Variants in MEFV observed in about 807,000 individuals in gnomAD.
The protein encoded by MEFV is MEFV innate immunity regulator, pyrin.
Under a neutral mutation model 62.5 loss-of-function variants are expected in MEFV, and 60 were observed. The observed-to-expected ratio is 0.96, with a 90% CI of 0.78 to 1.19. The LOEUF is 1.19. Ranked by LOEUF, MEFV falls within the 50% of genes most tolerant of loss-of-function variation. MEFV has a pLI of 0.00. For synonymous variants in MEFV, 500 were observed against 415.2 expected (o/e 1.20, Z -2.48); for missense variants, 1,169 against 1,004.5 (o/e 1.16, Z -2.21).
intron 2 of MEFV, among the ~76,000 whole-genome samples, chr16:3,252,708 G>A (rs954806424): frequency 6.6e-6 from 1 of 151,444 alleles, no homozygotes; most frequent in African/African-American, 2.4e-5. Context: ...AGAGGCTAAG[G>A]CGGGGGATCG....
intron 2 of MEFV, among the ~76,000 whole-genome samples, chr16:3,251,383 G>C (rs1464504280): frequency 1.3e-5 from 2 of 152,164 alleles, no homozygotes; most frequent in African/African-American, 4.8e-5. Context: ...CCTCCATCTT[G>C]CTGCCTGGCA....
At chr16:3,244,189 G>A (rs751508336) in intron 8 of MEFV, 65 bp downstream of exon 8, 1 of 1,611,556 alleles carries the variant, frequency 6.2e-7, no homozygotes, top group South Asian at 1.1e-5. Flanking sequence ...GGCCCCTCAA[G>A]TCAACAGCAC....
At chr16:3,250,711 T>G (rs1006546811) in intron 2 of MEFV, among the ~76,000 whole-genome samples, 2 of 151,114 alleles carry the variant, frequency 1.3e-5, no homozygotes, top group Non-Finnish European at 2.9e-5. Flanking sequence ...TAAGCAGACA[T>G]GCCACGAGAT....
At chr16:3,245,072 A>G (rs532455077) in intron 6 of MEFV, among the ~76,000 whole-genome samples, 1 of 152,234 alleles carries the variant, frequency 6.6e-6, no homozygotes, top group East Asian at 1.9e-4. Context: ...GGATCGCTTG[A>G]GCCCAGGAGT....
rs908284487 is a variant in MEFV, at chr16:3,249,419, G to A, written c.1260+12C>T. ...CCTGGCAGAGAAGAGCCCACAGGCA[G>A]GGAGTGCCTACCTTGTGTTCCAGGG... On this transcript the variant is annotated intron_variant, in intron 3 of 9. Coordinates refer to ENST00000219596, the MANE Select transcript of MEFV (RefSeq NM_000243.3). 47 of 1,610,476 alleles carry A rather than the reference G, an allele frequency of 2.9e-5. No individual in the cohort carries two copies. The highest frequency in any genetic ancestry group is 3.6e-5 in the Non-Finnish European group (42 of 1,178,130).
At position 3,242,672 on chromosome 16, in the gene MEFV, CAAAA is replaced by C. The variant is rs61379197; in HGVS notation, c.*465_*468del. 0.023 allele frequency: 4,186 copies of C among 180,052 alleles called. 6 individuals carry two copies. The highest frequency in any genetic ancestry group is 0.068 in the South Asian group (905 of 13,322). 11.2% of individuals were successfully genotyped at this position (180,052 alleles called of 1,614,324 possible). A position where few individuals can be genotyped will look rare whatever the true frequency, so the allele number is the denominator to read the frequency against. ...TGGGCCACAGAGCAAGATTTGGTCT[CAAAA>C]AAAAAAAAAAAAAATCATAGTTCAT... On this transcript the variant is annotated 3_prime_UTR_variant, in exon 10 of 10. Transcript: ENST00000219596.
At chr16:3,246,450 G>A in intron 6 of MEFV, 75 bp downstream of exon 6, 1 of 1,559,752 alleles carries the variant, frequency 6.4e-7, no homozygotes, top group East Asian at 2.2e-5. Flanking sequence ...CTCCCTCCCA[G>A]GTCCCTTCTG....
Position 3,243,612 on chromosome 16 carries a change from C to G in MEFV, c.1875G>C (p.Lys625Asn). 1 of 1,599,400 alleles carries G rather than the reference C, an allele frequency of 6.3e-7. No homozygotes were observed. The highest frequency in any genetic ancestry group is 8.5e-7 in the Non-Finnish European group (1 of 1,171,868). Residue 625 changes from lysine (K) to asparagine (N), a missense_variant, in exon 10 of 10, where the codon AAG becomes AAC. Transcript: ENST00000219596. ...DDLKSVRLGNKWERLPDGPQR... is the reference protein window; with the variant it reads ...DDLKSVRLGNNWERLPDGPQR... ...GCGGGCCATCAGGCAGCCTCTCCCA[C>G]TTGTTTCCAAGTCTAACACTCTTCA...
intron 2 of MEFV, among the ~76,000 whole-genome samples, chr16:3,253,885 A>G (rs1056811732): frequency 2.0e-5 from 3 of 152,150 alleles, no homozygotes; most frequent in Non-Finnish European, 4.4e-5. Context: ...TCCTGGGGTC[A>G]AGAGATCCTC....
chr16:3,254,913 G>T, intron 1 of MEFV, 123 bp from the exon 2 acceptor site: 1 of 1,501,070 alleles, frequency 6.7e-7, no homozygotes, highest in Non-Finnish European at 9.0e-7. Flanking sequence ...ACAACGGGCC[G>T]GGCGCGGTGG....
Position 3,244,602 on chromosome 16 carries a change from A to C in MEFV, c.1611-14T>G. 1 of 1,604,994 alleles carries C rather than the reference A, an allele frequency of 6.2e-7. No individual in the cohort carries two copies. Among genetic ancestry groups the C allele is most frequent in the East Asian group, 2.2e-5 (1 of 44,838 alleles). On this transcript the variant is annotated splice_polypyrimidine_tract_variant and intron_variant, in intron 6 of 9. Transcript: ENST00000219596. ...ACTGTCTTAGCCCTAGAGACAAAAG[A>C]CTGTTGACCAGAGAAGGCCGGAGCG...
Position 3,254,696 on chromosome 16 carries a change from G to A in MEFV, c.372C>T (p.Pro124=), listed in dbSNP as rs104895078. The part of the protein sequence containing the change: ...KPRSLKTPDH[P]EGNEGNGPRP... ...GAGGGCCGTTCCCCTCGTTCCCCTC[G>A]GGGTGGTCTGGAGTCTTCAGGCTCC... Residue 124 remains proline (P), a synonymous_variant, in exon 2 of 10, where the codon CCC becomes CCT. Coordinates refer to ENST00000219596, the MANE Select transcript of MEFV (RefSeq NM_000243.3). 579 of 1,612,658 alleles carry A rather than the reference G, an allele frequency of 3.6e-4. 1 individual carries two copies. The highest frequency in any genetic ancestry group is 6.6e-4 in the Middle Eastern group (4 of 6,062).
At chr16:3,244,227 A>G in intron 8 of MEFV, 27 bp downstream of exon 8, 1 of 1,613,922 alleles carries the variant, frequency 6.2e-7, no homozygotes, top group South Asian at 1.1e-5. Flanking sequence ...ACCCCAGGCC[A>G]GCACACACCA....
At chr16:3,254,088 A>G in intron 2 of MEFV, 70 bp downstream of exon 2, 2 of 1,547,844 alleles carry the variant, frequency 1.3e-6, no homozygotes, top group Middle Eastern at 1.7e-4. Context: ...GATTACAGGC[A>G]TGAGCTATCG....
chr16:3,250,815 G>A (rs1476615120), intron 2 of MEFV, among the ~76,000 whole-genome samples: 1 of 151,376 alleles, frequency 6.6e-6, no homozygotes, highest in Non-Finnish European at 1.5e-5. Context: ...CATGAGGTCA[G>A]GAGTTCAAGA....
chr16:3,246,265 C>G (rs1958941261), intron 6 of MEFV: 1 of 552,240 alleles, frequency 1.8e-6, no homozygotes, highest in South Asian at 2.1e-5. Flanking sequence ...TCTTAGGGAG[C>G]CTCCATCTTG....
At position 3,247,060 on chromosome 16, in the gene MEFV, C is replaced by T; in HGVS notation, c.1543G>A (p.Glu515Lys). 6.2e-7 allele frequency: 1 copy of T among 1,614,182 alleles called. No homozygotes were observed. Among genetic ancestry groups the T allele is most frequent in the Non-Finnish European group, 8.5e-7 (1 of 1,180,022 alleles). Reference sequence around the variant, plus strand: ...GACTGGCACTCCTTGGCCTCCAGTTCCCCAATCAGCGCATCGAGCAGGGCG... The same window carrying T: ...GACTGGCACTCCTTGGCCTCCAGTTTCCCAATCAGCGCATCGAGCAGGGCG... ...DIALLDALIG[E>K]LEAKECQSEW... is the part of the protein sequence containing the mutation. The change falls in exon 5 of 10, where the codon GAA (glutamate) becomes AAA (lysine). Residue 515 changes from glutamate to lysine, a missense_variant. Physicochemically the swap from Glu to Lys is moderately conservative, Grantham distance 56. Coordinates refer to ENST00000219596, the MANE Select transcript of MEFV (RefSeq NM_000243.3).
intron 4 of MEFV, 65 bp downstream of exon 4, chr16:3,248,844 C>T: frequency 6.2e-7 from 1 of 1,610,334 alleles, no homozygotes; most frequent in Non-Finnish European, 8.5e-7. Flanking sequence ...ATCTCGGGGA[C>T]CCCTGCTCAC....
In MEFV at chr16:3,243,860, C is replaced by T. The variant is rs1028273722; in HGVS notation, c.1792G>A (p.Val598Ile). The change falls in exon 9 of 10, where the codon GTT becomes ATT. Residue 598 changes from valine (V) to isoleucine (I), a missense_variant and splice_region_variant. Physicochemically the swap from Val to Ile is conservative, Grantham distance 29. Coordinates refer to ENST00000219596, the MANE Select transcript of MEFV (RefSeq NM_000243.3). ...CACTTGCCTTGATCTGGGCACTTAC[C>T]AGCATGTGCCTGAGCGCCAATCAGC... ...PELIGAQAHAVNVILDAETAY... is the reference protein window; with the variant it reads ...PELIGAQAHAINVILDAETAY... 5 of 1,613,718 alleles carry T rather than the reference C, an allele frequency of 3.1e-6. No homozygotes were observed. The African/African-American group carries it at 6.7e-5, about 22-fold the overall frequency.
Sources: allele counts gnomAD v4.1 joint callset (sites outside exome capture counted in the v4.1 genomes callset), GRCh38; gene constraint gnomAD v4.1.1; transcripts MANE v1.5; gene names NCBI Gene and HGNC (gene_info 2026-07-23, HGNC 2026-07-21).